Variants in PRKCE observed in about 807,000 individuals in gnomAD.
PRKCE encodes protein kinase C epsilon, also known as protein kinase C epsilon type.
Under a neutral mutation model 85.4 loss-of-function variants are expected in PRKCE, and 16 were observed. That is an observed-to-expected ratio of 0.19 (90% CI 0.13 to 0.28). PRKCE has a LOEUF of 0.28. PRKCE is among the 10% of genes least tolerant of loss of function. The pLI is 1.00. For missense variants in PRKCE, 573 were observed against 975.2 expected (o/e 0.59, Z 5.49); for synonymous variants, 388 against 371.5 (o/e 1.04, Z -0.51).
intron 1 of PRKCE, among the ~76,000 whole-genome samples, chr2:45,783,760 C>T (rs1000704953): frequency 4.6e-5 from 7 of 152,172 alleles, no homozygotes; most frequent in South Asian, 2.1e-4. Context: ...GTGTGGCTCA[C>T]GAGCCTCCCA....
intron 1 of PRKCE, among the ~76,000 whole-genome samples, chr2:45,703,022 C>T (rs1402742033): frequency 5.4e-5 from 3 of 55,128 alleles, no homozygotes; most frequent in Admixed American, 3.2e-4. Context: ...AGCCTTTTTT[C>T]CCCCCCCGTC....
intron 1 of PRKCE, among the ~76,000 whole-genome samples, chr2:45,748,707 G>A (rs868763212): frequency 1.3e-5 from 2 of 152,240 alleles, no homozygotes; most frequent in South Asian, 2.1e-4. Flanking sequence ...GCTTTGGAGA[G>A]GCAAGGATTT....
At chr2:45,675,805 C>T (rs146387093) in intron 1 of PRKCE, 1 of 152,294 alleles carries the variant, frequency 6.6e-6, no homozygotes, top group Non-Finnish European at 1.5e-5. Flanking sequence ...AGCTGGCCCT[C>T]AGCTCACAGA....
chr2:45,942,940 T>A (rs745659590), intron 2 of PRKCE, among the ~76,000 whole-genome samples: 1 of 152,216 alleles, frequency 6.6e-6, no homozygotes, highest in Non-Finnish European at 1.5e-5. Flanking sequence ...CCCCCCAACC[T>A]CTTATTCTCC....
intron 10 of PRKCE, among the ~76,000 whole-genome samples, chr2:46,057,595 G>A (rs1367947491): frequency 6.6e-6 from 1 of 152,018 alleles, no homozygotes; most frequent in South Asian, 2.1e-4. Flanking sequence ...CACCATGCCC[G>A]GCTGATTTTT....
intron 2 of PRKCE, among the ~76,000 whole-genome samples, chr2:45,863,469 C>T (rs34334046): frequency 0.041 from 6,300 of 152,150 alleles, 168 homozygotes; most frequent in Middle Eastern, 0.078. Context: ...CCTGCAAGGG[C>T]CAGAGTGGTG....
At chr2:46,042,550 T>G (rs1188619425) in intron 10 of PRKCE, among the ~76,000 whole-genome samples, 1 of 152,234 alleles carries the variant, frequency 6.6e-6, no homozygotes. Context: ...TCTCTCTCTT[T>G]GCCTCTGGAA....
intron 2 of PRKCE, among the ~76,000 whole-genome samples, chr2:45,950,491 G>T (rs1301796722): frequency 6.6e-6 from 1 of 152,110 alleles, no homozygotes; most frequent in African/African-American, 2.4e-5. Flanking sequence ...TAATTTTGAG[G>T]ATGGCAGATA....
At chr2:45,970,358 T>C (rs1452243782) in intron 2 of PRKCE, among the ~76,000 whole-genome samples, 2 of 152,240 alleles carry the variant, frequency 1.3e-5, no homozygotes, top group Non-Finnish European at 2.9e-5. Context: ...TCCTTTAAGC[T>C]ATTATCTATG....
At chr2:45,889,880 C>T (rs1359842999) in intron 2 of PRKCE, among the ~76,000 whole-genome samples, 5 of 152,216 alleles carry the variant, frequency 3.3e-5, no homozygotes, top group Admixed American at 6.5e-5. Flanking sequence ...CTGCATGAGC[C>T]GTGCAGAGGA....
At chr2:45,715,213 A>G (rs1372188536) in intron 1 of PRKCE, among the ~76,000 whole-genome samples, 1 of 152,238 alleles carries the variant, frequency 6.6e-6, no homozygotes, top group Non-Finnish European at 1.5e-5. Context: ...GAAGCAGAGG[A>G]GTGCCCACCA....
chr2:46,016,329 G>A (rs1156325404), intron 10 of PRKCE, among the ~76,000 whole-genome samples: 1 of 152,144 alleles, frequency 6.6e-6, no homozygotes, highest in Non-Finnish European at 1.5e-5. Flanking sequence ...GTGTGGTGGC[G>A]TGTGTCTGTG....
chr2:45,927,332 T>C (rs1327542645), intron 2 of PRKCE, among the ~76,000 whole-genome samples: 2 of 152,236 alleles, frequency 1.3e-5, no homozygotes, highest in Non-Finnish European at 2.9e-5. Flanking sequence ...TTCATTGACA[T>C]GCCTCAATGT....
chr2:45,896,641 C>T lies in PRKCE; in HGVS notation c.412+53578C>T, dbSNP rs957467577. Among the ~76,000 whole-genome samples the T allele has an allele frequency of 3.9e-5, 6 of 152,314 alleles. No homozygotes were observed. The East Asian group carries it at 9.6e-4, about 24-fold the overall frequency. The stretch of plus-strand genomic sequence containing the variant: ...CACTATACCTCTTATCAAAGTAGCG[C>T]AGTGCATGTATACTTTTATTGGAGT... On this transcript the variant is annotated intron_variant, in intron 2 of 14. Coordinates refer to ENST00000306156, the MANE Select transcript of PRKCE (RefSeq NM_005400.3).
intron 1 of PRKCE, among the ~76,000 whole-genome samples, chr2:45,704,737 A>G (rs779801940): frequency 2.0e-5 from 3 of 152,184 alleles, no homozygotes; most frequent in Non-Finnish European, 4.4e-5. Flanking sequence ...TTCCCCCTCT[A>G]GTATTTCAAG....
intron 1 of PRKCE, among the ~76,000 whole-genome samples, chr2:45,798,512 A>T (rs1013569048): frequency 1.8e-4 from 28 of 152,266 alleles, no homozygotes; most frequent in African/African-American, 6.5e-4. Context: ...GATGTCAAAC[A>T]TAAAGACTGT....
intron 1 of PRKCE, among the ~76,000 whole-genome samples, chr2:45,703,125 A>T (rs1425512193): frequency 6.6e-6 from 1 of 150,472 alleles, no homozygotes; most frequent in Non-Finnish European, 1.5e-5. Flanking sequence ...TGTTTTATTT[A>T]TTTTTTTTTT....
intron 2 of PRKCE, among the ~76,000 whole-genome samples, chr2:45,968,635 A>G (rs1438163600): frequency 6.6e-6 from 1 of 152,248 alleles, no homozygotes; most frequent in African/African-American, 2.4e-5. Context: ...GAAATAAAAA[A>G]GTTTTTTTAG....
At chr2:45,667,910 A>C (rs1675990154) in intron 1 of PRKCE, among the ~76,000 whole-genome samples, 1 of 152,210 alleles carries the variant, frequency 6.6e-6, no homozygotes, top group Admixed American at 6.5e-5. Context: ...TCCTGGTCCC[A>C]CCACTGAACC....
Sources: allele counts gnomAD v4.1 joint callset (sites outside exome capture counted in the v4.1 genomes callset), GRCh38; gene constraint gnomAD v4.1.1; transcripts MANE v1.5; gene names NCBI Gene and HGNC (gene_info 2026-07-23, HGNC 2026-07-21).